The following GRIA2 variants were observed in gnomAD, a reference collection of about 807,000 sequenced individuals.
GRIA2 encodes glutamate ionotropic receptor AMPA type subunit 2, also known as glutamate receptor 2.
A neutral mutation model predicts 97.3 loss-of-function variants in GRIA2; 14 were observed. That is an observed-to-expected ratio of 0.14 (90% confidence interval 0.10 to 0.23). The LOEUF is 0.23. Among genes scored for constraint, GRIA2 ranks in the 10% least tolerant of loss-of-function variants. The pLI is 1.00. For synonymous variants in GRIA2, 412 were observed against 387.8 expected (o/e 1.06, Z -0.73); for missense variants, 558 against 1,069.8 (o/e 0.52, Z 6.67).
intron 6 of GRIA2, among the ~76,000 whole-genome samples, chr4:157,328,230 T>A (rs1734894457): frequency 6.6e-6 from 1 of 152,098 alleles, no homozygotes. Flanking sequence ...TATTTCTTTA[T>A]CTGTAAAGGG....
intron 2 of GRIA2, among the ~76,000 whole-genome samples, chr4:157,287,291 A>G (rs1338229922): frequency 6.6e-6 from 1 of 151,600 alleles, no homozygotes; most frequent in African/African-American, 2.4e-5. Context: ...TATATTTTCA[A>G]TATCTTATTT....
intron 2 of GRIA2, among the ~76,000 whole-genome samples, chr4:157,227,426 A>G (rs1330156236): frequency 1.3e-5 from 2 of 152,208 alleles, no homozygotes; most frequent in African/African-American, 4.8e-5. Flanking sequence ...ATGTTGCTAT[A>G]TAATCAAGTT....
intron 3 of GRIA2, among the ~76,000 whole-genome samples, chr4:157,309,311 G>A (rs77908155): frequency 0.02 from 2,998 of 150,112 alleles, 37 homozygotes; most frequent in Middle Eastern, 0.076. Context: ...CTTTTGACAC[G>A]TAGAACAAAT....
At chr4:157,233,743 G>T (rs1730123926) in intron 2 of GRIA2, among the ~76,000 whole-genome samples, 1 of 152,052 alleles carries the variant, frequency 6.6e-6, no homozygotes, top group South Asian at 2.1e-4. Context: ...ATGGAGGAAG[G>T]TGCTGCCTTG....
At chr4:157,324,824 A>G (rs1579364510) in intron 6 of GRIA2, among the ~76,000 whole-genome samples, 1 of 152,218 alleles carries the variant, frequency 6.6e-6, no homozygotes, top group African/African-American at 2.4e-5. Flanking sequence ...AGGAGATTAT[A>G]TAGCACCCTC....
chr4:157,266,382 A>G (rs1211125722), intron 2 of GRIA2, among the ~76,000 whole-genome samples: 1 of 152,146 alleles, frequency 6.6e-6, no homozygotes, highest in Non-Finnish European at 1.5e-5. Context: ...TGGTCAACAG[A>G]GTAGGTGAAA....
At chr4:157,288,472 G>A (rs976137741) in intron 2 of GRIA2, among the ~76,000 whole-genome samples, 1 of 151,630 alleles carries the variant, frequency 6.6e-6, no homozygotes, top group Non-Finnish European at 1.5e-5. Context: ...TATAACTAAA[G>A]CCACTGAGTC....
At chr4:157,290,082 A>G (rs1043310994) in intron 2 of GRIA2, among the ~76,000 whole-genome samples, 7 of 151,862 alleles carry the variant, frequency 4.6e-5, no homozygotes, top group Non-Finnish European at 4.4e-5. Context: ...ATAATTTTAT[A>G]TGTAAGTCTT....
Position 157,312,787 on chromosome 4 carries a change from G to T in GRIA2, c.578G>T (p.Arg193Leu). The T allele has an allele frequency of 6.2e-7, 1 of 1,609,652 alleles. No individual in the cohort carries two copies. The highest frequency in any genetic ancestry group is 1.1e-5 in the South Asian group (1 of 90,828). The change falls in exon 4 of 16, where the codon CGA becomes CTA. Residue 193 changes from arginine (R) to leucine (L), a missense_variant. Arg to Leu is a moderately radical substitution (Grantham distance 102). Transcript: ENST00000264426. ...AATGACAAGAAAGATGAGATGTACCGATCACTTTTTCAAGATCTGGAGTTA... is the reference window on the plus strand; with the variant it reads ...AATGACAAGAAAGATGAGATGTACCTATCACTTTTTCAAGATCTGGAGTTA... ...INNDKKDEMY[R>L]SLFQDLELKK... is the part of the protein sequence containing the mutation.
chr4:157,279,067 C>T (rs1224890240), intron 2 of GRIA2, among the ~76,000 whole-genome samples: 1 of 152,100 alleles, frequency 6.6e-6, no homozygotes, highest in Non-Finnish European at 1.5e-5. Context: ...GATAACTAAA[C>T]ATACTTTTAT....
intron 11 of GRIA2, among the ~76,000 whole-genome samples, chr4:157,339,766 A>G (rs1193862835): frequency 6.6e-6 from 1 of 151,964 alleles, no homozygotes; most frequent in East Asian, 1.9e-4. Context: ...GCTCTTAAAT[A>G]TATGATATGT....
intron 12 of GRIA2, among the ~76,000 whole-genome samples, chr4:157,355,933 T>TAATATATTTATATA (rs1560781153): frequency 0.017 from 408 of 23,378 alleles, 27 homozygotes; most frequent in Middle Eastern, 0.17. Flanking sequence ...TTATATATAT[T>TAATATATTTATATA]TATATATTAA....
intron 15 of GRIA2, 98 bp downstream of exon 15, chr4:157,363,145 T>C: frequency 8.2e-7 from 1 of 1,225,408 alleles, no homozygotes; most frequent in South Asian, 1.5e-5. Context: ...CAATGGATCA[T>C]CCTGTATGTA....
At chr4:157,232,736 T>C (rs557806635) in intron 2 of GRIA2, among the ~76,000 whole-genome samples, 1 of 152,182 alleles carries the variant, frequency 6.6e-6, no homozygotes, top group Non-Finnish European at 1.5e-5. Context: ...ATCTTAATGA[T>C]GAATACACAA....
intron 12 of GRIA2, among the ~76,000 whole-genome samples, chr4:157,358,391 T>C (rs1409010923): frequency 2.0e-5 from 3 of 152,132 alleles, no homozygotes; most frequent in African/African-American, 4.8e-5. Flanking sequence ...TTCACTCTCA[T>C]AGATATGCTT....
At chr4:157,354,862 A>C (rs6536234) in intron 12 of GRIA2, among the ~76,000 whole-genome samples, 65,016 of 151,952 alleles carry the variant, frequency 0.43, 16,503 homozygotes, top group African/African-American at 0.72. Flanking sequence ...GCAACATGCT[A>C]CATATGTCAT....
intron 6 of GRIA2, among the ~76,000 whole-genome samples, chr4:157,328,376 C>T (rs1333635474): frequency 6.6e-6 from 1 of 151,992 alleles, no homozygotes; most frequent in Admixed American, 6.6e-5. Flanking sequence ...CAAGTGGTGC[C>T]TCTGTCTCTT....
chr4:157,265,723 G>A (rs1731741206), intron 2 of GRIA2, among the ~76,000 whole-genome samples: 1 of 152,102 alleles, frequency 6.6e-6, no homozygotes, highest in South Asian at 2.1e-4. Context: ...GAAAGCAGAT[G>A]GGAGACCTTT....
At chr4:157,329,778 A>G (rs1321042197) in intron 6 of GRIA2, among the ~76,000 whole-genome samples, 1 of 151,956 alleles carries the variant, frequency 6.6e-6, no homozygotes, top group Non-Finnish European at 1.5e-5. Context: ...TTGATACAGT[A>G]TTTGCCAAAT....
Sources: gnomAD v4.1 joint callset for allele counts (sites outside exome capture counted in the v4.1 genomes callset) on GRCh38, gnomAD v4.1.1 for gene constraint, MANE v1.5 for transcripts, NCBI Gene and HGNC (gene_info 2026-07-23, HGNC 2026-07-21) for gene names.